The following SLC23A2 variants were observed in gnomAD, a reference collection of about 807,000 sequenced individuals.
SLC23A2 encodes solute carrier family 23 member 2.
A neutral mutation model predicts 73.3 loss-of-function variants in SLC23A2; 36 were observed. The ratio of observed to expected loss-of-function variants is 0.49; its 90% CI spans 0.38 to 0.65. SLC23A2 has a LOEUF of 0.65. SLC23A2 is among the 30% of genes least tolerant of loss of function. The probability of loss-of-function intolerance (pLI) is 0.00; values close to 1 mark genes in which losing one functional copy is unlikely to be tolerated. For missense variants in SLC23A2, 507 were observed against 841.6 expected, an observed-to-expected ratio of 0.60 and a Z score of 4.92; for synonymous variants, 343 against 327.3, an observed-to-expected ratio of 1.05 and a Z score of -0.52.
rs1441357540 is a variant in SLC23A2, at chr20:4,872,289, C to T, written c.1102+1647G>A. Among the ~76,000 whole-genome samples, 1 of 151,632 alleles carries T rather than the reference C, an allele frequency of 6.6e-6. No homozygotes were observed. Among genetic ancestry groups the T allele is most frequent in the Non-Finnish European group, 1.5e-5 (1 of 67,972 alleles). ...ACTACATATGTATACAGTAGTACGA[C>T]TATATCCCTGGAGGTGGCTTTCTAG... On this transcript the variant is annotated intron_variant, in intron 11 of 16. Transcript: ENST00000338244. This position sits in a 1 kb window ranked among gnomAD's most constrained non-coding sequence, Gnocchi z 4.4.
chr20:4,869,882 G>C (rs779540035), intron 12 of SLC23A2, 24 bp downstream of exon 12: 11 of 1,560,812 alleles, frequency 7.0e-6, no homozygotes, highest in Non-Finnish European at 9.7e-6. Flanking sequence ...GACCAATCAG[G>C]AACTTGTCTT....
At chr20:4,944,746 TCTCA>T (rs1165128819) in intron 2 of SLC23A2, among the ~76,000 whole-genome samples, 1 of 152,156 alleles carries the variant, frequency 6.6e-6, no homozygotes, top group African/African-American at 2.4e-5. Context: ...CTACTTTGGT[TCTCA>T]CTAAGACACA....
chr20:4,861,958 A>C lies in SLC23A2; in HGVS notation c.1614T>G (p.Pro538=). 6.2e-7 allele frequency: 1 copy of C among 1,614,154 alleles called. No homozygotes were observed. Among genetic ancestry groups the C allele is most frequent in the Admixed American group, 1.7e-5 (1 of 60,014 alleles). The part of the protein sequence containing the change: ...LVLPSYLRQN[P]LVTGITGIDQ... ...AGCCCATTTCCTCACCTGTGACCAGAGGGTTCTGTCTGAGGTAACTTGGAA... is the reference window on the plus strand; with the variant it reads ...AGCCCATTTCCTCACCTGTGACCAGCGGGTTCTGTCTGAGGTAACTTGGAA... The change falls in exon 15 of 17, where the codon CCT becomes CCG. Residue 538 remains proline, a synonymous_variant. Transcript: ENST00000338244.
chr20:4,983,543 G>C (rs1325044851), intron 1 of SLC23A2, among the ~76,000 whole-genome samples: 2 of 151,930 alleles, frequency 1.3e-5, no homozygotes, highest in Non-Finnish European at 2.9e-5. Flanking sequence ...CTACTTGGGA[G>C]GCTGAGGCAG....
At chr20:4,935,669 G>A (rs2086951634) in intron 2 of SLC23A2, among the ~76,000 whole-genome samples, 1 of 152,090 alleles carries the variant, frequency 6.6e-6, no homozygotes, top group African/African-American at 2.4e-5. Context: ...CGTGGTGGCG[G>A]GCGCCTGTAG....
At chr20:4,988,432 G>A (rs1300782720) in intron 1 of SLC23A2, among the ~76,000 whole-genome samples, 1 of 151,880 alleles carries the variant, frequency 6.6e-6, no homozygotes, top group East Asian at 1.9e-4. Flanking sequence ...GTGAAACCCT[G>A]TCTCTATTAA....
chr20:4,913,748 T>A (rs1283368018), intron 3 of SLC23A2, among the ~76,000 whole-genome samples: 1 of 151,964 alleles, frequency 6.6e-6, no homozygotes, highest in Non-Finnish European at 1.5e-5. Flanking sequence ...TGCCTCAGCC[T>A]CCCGAGTAGC....
intron 4 of SLC23A2, among the ~76,000 whole-genome samples, chr20:4,909,522 T>C (rs563780086): frequency 3.3e-5 from 5 of 152,190 alleles, no homozygotes; most frequent in South Asian, 2.1e-4. Flanking sequence ...TAACAAAAGA[T>C]AGCTTAAAGA....
intron 12 of SLC23A2, chr20:4,869,441 G>C (rs1222652271): frequency 1.4e-5 from 2 of 146,620 alleles, no homozygotes; most frequent in Non-Finnish European, 3.0e-5. Context: ...GGAAAGGCAA[G>C]ATAACAGAAA....
At chr20:4,995,453 C>T (rs1285594953) in intron 1 of SLC23A2, among the ~76,000 whole-genome samples, 2 of 152,096 alleles carry the variant, frequency 1.3e-5, no homozygotes, top group Admixed American at 6.6e-5. Flanking sequence ...GATTCAAGCC[C>T]CATAATACAG....
rs1316724039 is a variant in SLC23A2, at chr20:4,856,597, A to G, written c.*375T>C. Reference sequence around the variant, plus strand: ...ACAGGTCCAGGGGCTTCGGAGAGAGAGAGAAAGCCCCTGGACCCTGGAGGT... The same window carrying G: ...ACAGGTCCAGGGGCTTCGGAGAGAGGGAGAAAGCCCCTGGACCCTGGAGGT... On this transcript the variant is annotated 3_prime_UTR_variant, in exon 17 of 17. Transcript: ENST00000338244. The surrounding 1 kb of genome is among the most constrained non-coding windows in gnomAD (Gnocchi z 4.6). 2 of 176,604 alleles carry G rather than the reference A, an allele frequency of 1.1e-5. No homozygotes were observed. Among genetic ancestry groups the G allele is most frequent in the Non-Finnish European group, 2.4e-5 (2 of 83,890 alleles). 10.9% of individuals were successfully genotyped at this position (176,604 alleles called of 1,614,324 possible). A position where few individuals can be genotyped will look rare whatever the true frequency, so the allele number is the denominator to read the frequency against.
At chr20:4,996,372 A>AGCAAAACTCATGAGTGG (rs546246342) in intron 1 of SLC23A2, among the ~76,000 whole-genome samples, 34 of 152,214 alleles carry the variant, frequency 2.2e-4, no homozygotes, top group African/African-American at 7.5e-4. Context: ...AGCTGCTTTG[A>AGCAAAACTCATGAGTGG]GCAAAACTCA....
chr20:4,993,899 TAAAA>T (rs1168634310), intron 1 of SLC23A2, among the ~76,000 whole-genome samples: 2 of 152,050 alleles, frequency 1.3e-5, no homozygotes, highest in Admixed American at 1.3e-4. Flanking sequence ...CCCCCATCTC[TAAAA>T]ACATAGTGAA....
At chr20:4,889,933 C>G (rs1017796590) in intron 6 of SLC23A2, among the ~76,000 whole-genome samples, 3 of 152,074 alleles carry the variant, frequency 2.0e-5, no homozygotes, top group African/African-American at 7.2e-5. Context: ...TAAAAGTACT[C>G]AGAGTTGGGG....
intron 6 of SLC23A2, among the ~76,000 whole-genome samples, chr20:4,896,609 C>G (rs1021577913): frequency 6.6e-6 from 1 of 152,148 alleles, no homozygotes; most frequent in African/African-American, 2.4e-5. Flanking sequence ...AGGAAGGGAC[C>G]CCCAGGACGA....
chr20:4,923,983 G>A (rs1044429504), intron 3 of SLC23A2, among the ~76,000 whole-genome samples: 2 of 152,128 alleles, frequency 1.3e-5, no homozygotes, highest in African/African-American at 2.4e-5. Flanking sequence ...AGAAGGGATG[G>A]GAAGGAAACA....
In SLC23A2 at chr20:4,857,352, A is replaced by C. The variant is rs1233157838; in HGVS notation, c.1721-148T>G. 1.7e-6 allele frequency: 1 copy of C among 601,466 alleles called. No homozygotes were observed. The highest frequency in any genetic ancestry group is 2.9e-6 in the Non-Finnish European group (1 of 341,192). The allele number at this position is 601,466 out of a possible 1,614,324, so 37.3% of individuals were successfully genotyped here. A position where few individuals can be genotyped will look rare whatever the true frequency, so the allele number is the denominator to read the frequency against. On this transcript the variant is annotated intron_variant, in intron 16 of 16. Transcript: ENST00000338244. The surrounding 1 kb of genome is among the most constrained non-coding windows in gnomAD (Gnocchi z 4.0). The stretch of plus-strand genomic sequence containing the variant: ...CACACACACATGGTCCCACAGATCA[A>C]ACCTGCCTAGATAACAGCAAAGAAT...
intron 4 of SLC23A2, among the ~76,000 whole-genome samples, chr20:4,912,332 G>T (rs1308809223): frequency 6.6e-6 from 1 of 151,974 alleles, no homozygotes; most frequent in African/African-American, 2.4e-5. Flanking sequence ...AAAACTCAAA[G>T]GCATTTTCAT....
chr20:4,960,607 G>GCACACA (rs562002978), intron 2 of SLC23A2, among the ~76,000 whole-genome samples: 153 of 152,314 alleles, frequency 1.0e-3, no homozygotes, highest in Non-Finnish European at 1.5e-3. Context: ...ACGCGCACAC[G>GCACACA]CACACACACA....
Sources: gnomAD v4.1 joint callset for allele counts (sites outside exome capture counted in the v4.1 genomes callset) on GRCh38, gnomAD v4.1.1 for gene constraint, Gnocchi (gnomAD v3.1) non-coding constraint, MANE v1.5 for transcripts, NCBI Gene and HGNC (gene_info 2026-07-23, HGNC 2026-07-21) for gene names.